The following BTBD7 variants were observed in gnomAD, a reference collection of about 807,000 sequenced individuals.
BTBD7 encodes the protein BTB/POZ domain-containing protein 7.
Under a neutral mutation model 99.9 loss-of-function variants are expected in BTBD7, and 38 were observed. That is an observed-to-expected ratio of 0.38 (90% CI 0.29 to 0.50). The LOEUF (loss-of-function observed/expected upper bound fraction) is 0.50. BTBD7 is among the 20% of genes least tolerant of loss of function. The probability of loss-of-function intolerance (pLI) is 0.93; values close to 1 mark genes in which losing one functional copy is unlikely to be tolerated. For synonymous variants in BTBD7, 520 were observed against 511.4 expected, an observed-to-expected ratio of 1.02 and a Z score of -0.23; for missense variants, 1,170 against 1,394.6, an observed-to-expected ratio of 0.84 and a Z score of 2.57.
chr14:93,253,108 G>T (rs947065085), intron 7 of BTBD7, among the ~76,000 whole-genome samples: 1 of 152,088 alleles, frequency 6.6e-6, no homozygotes, highest in Admixed American at 6.6e-5. Flanking sequence ...TCACATTACC[G>T]TATTTTCTGG....
At position 93,262,398 on chromosome 14, in the gene BTBD7, G is replaced by C. The variant is rs562833959; in HGVS notation, c.1372-721C>G. ...TCCGCCTGCCTTGGCCTCCCAAAAT[G>C]GCTAATTTTTTTTTAAATTTTTTGT... is the stretch of plus-strand genomic sequence containing the variant. On this transcript the variant is annotated intron_variant, in intron 4 of 10. Coordinates refer to ENST00000334746, the MANE Select transcript of BTBD7 (RefSeq NM_001002860.4). Among the ~76,000 whole-genome samples, 144 of 152,130 alleles carry C rather than the reference G, an allele frequency of 9.5e-4. 1 individual carries two copies. The highest frequency in any genetic ancestry group is 1.8e-3 in the Non-Finnish European group (122 of 68,004).
intron 1 of BTBD7, among the ~76,000 whole-genome samples, chr14:93,324,428 A>AAAATAAAAAATAAAAT (rs371147922): frequency 2.6e-5 from 4 of 151,296 alleles, no homozygotes; most frequent in African/African-American, 9.8e-5. Context: ...TCTCAAAAAA[A>AAAATAAAAAATAAAAT]AAAAAAAGAG....
intron 1 of BTBD7, among the ~76,000 whole-genome samples, chr14:93,309,502 C>T (rs900816408): frequency 1.3e-5 from 2 of 151,118 alleles, no homozygotes; most frequent in Non-Finnish European, 2.9e-5. Context: ...CCCCAACCTC[C>T]ACACCCCTGC....
Position 93,242,988 on chromosome 14 carries a change from G to A in BTBD7, c.2684C>T (p.Thr895Ile), listed in dbSNP as rs1421886808. Residue 895 changes from threonine (T) to isoleucine (I), a missense_variant, in exon 11 of 11, where the codon ACA (threonine) becomes ATA (isoleucine). Thr to Ile is a moderately conservative substitution (Grantham distance 89). This residue lies in a region of BTBD7 where 495 missense variants were observed against 525.9 expected (regional missense o/e 0.94). Coordinates refer to ENST00000334746, the MANE Select transcript of BTBD7 (RefSeq NM_001002860.4). ...DRRLPELAVD[T>I]ELSQSVSEAG... The stretch of plus-strand genomic sequence containing the variant: ...TTCAGAAACTGACTGGCTTAATTCT[G>A]TGTCTACAGCAAGCTCTGGAAGCCT... 6.2e-7 allele frequency: 1 copy of A among 1,614,096 alleles called. No homozygotes were observed. Among genetic ancestry groups the A allele is most frequent in the Admixed American group, 1.7e-5 (1 of 60,022 alleles).
At chr14:93,249,647 T>A (rs1324315913) in intron 8 of BTBD7, among the ~76,000 whole-genome samples, 3 of 152,224 alleles carry the variant, frequency 2.0e-5, no homozygotes, top group Admixed American at 1.3e-4. Flanking sequence ...ATTTACGTAC[T>A]GTCTACGGCT....
At chr14:93,316,308 G>C (rs956554985) in intron 1 of BTBD7, among the ~76,000 whole-genome samples, 2 of 151,384 alleles carry the variant, frequency 1.3e-5, no homozygotes, top group African/African-American at 4.9e-5. Flanking sequence ...CTGTCACTCA[G>C]GCTGAAGTGT....
intron 3 of BTBD7, among the ~76,000 whole-genome samples, chr14:93,268,117 C>T (rs925187399): frequency 2.6e-5 from 4 of 152,158 alleles, no homozygotes; most frequent in African/African-American, 4.8e-5. Flanking sequence ...CAGAAGTCCA[C>T]CAATCGCTTG....
At chr14:93,267,597 C>T (rs1375864192) in intron 3 of BTBD7, among the ~76,000 whole-genome samples, 1 of 152,230 alleles carries the variant, frequency 6.6e-6, no homozygotes, top group Non-Finnish European at 1.5e-5. Flanking sequence ...GACTCCCAGT[C>T]ACACCTGACT....
At position 93,246,263 on chromosome 14, in the gene BTBD7, A is replaced by G. The variant is rs1421769795; in HGVS notation, c.2145T>C (p.Asp715=). The G allele has an allele frequency of 6.6e-7, 1 of 1,509,506 alleles. No individual in the cohort carries two copies. The allele number at this position is 1,509,506 out of a possible 1,614,324, so 93.5% of individuals were successfully genotyped here. A position where few individuals can be genotyped will look rare whatever the true frequency, so the allele number is the denominator to read the frequency against. The part of the protein sequence containing the change: ...LLQNPHKFFP[D]ERFGDESPLL... ...GTGGACTTTCATCCCCAAAACGTTCATCAGGAAAGAATTTGTGAGGATTCT... is the reference window on the plus strand; with the variant it reads ...GTGGACTTTCATCCCCAAAACGTTCGTCAGGAAAGAATTTGTGAGGATTCT... Residue 715 remains aspartate (D), a synonymous_variant, in exon 10 of 11, where the codon GAT becomes GAC. Coordinates refer to ENST00000334746, the MANE Select transcript of BTBD7 (RefSeq NM_001002860.4).
At chr14:93,259,260 G>A (rs988378827) in intron 5 of BTBD7, among the ~76,000 whole-genome samples, 1 of 152,124 alleles carries the variant, frequency 6.6e-6, no homozygotes, top group African/African-American at 2.4e-5. Flanking sequence ...CAACAGCACT[G>A]TAACTCACGC....
chr14:93,276,845 T>A (rs778701403), intron 3 of BTBD7, among the ~76,000 whole-genome samples: 3 of 151,424 alleles, frequency 2.0e-5, no homozygotes, highest in Non-Finnish European at 2.9e-5. Context: ...TACACACAAT[T>A]CATGAACGAT....
chr14:93,253,801 ATT>A lies in BTBD7; in HGVS notation c.1609-13_1609-12del. ...CAAGCCTCTTTTCATCTAAAAAAAAATTTTTTTTTTAGATAGAAATCTGTGTA... is the reference window on the plus strand; with the variant it reads ...CAAGCCTCTTTTCATCTAAAAAAAAATTTTTTTTAGATAGAAATCTGTGTA... On this transcript the variant is annotated splice_polypyrimidine_tract_variant and intron_variant, in intron 6 of 10. Coordinates refer to ENST00000334746, the MANE Select transcript of BTBD7 (RefSeq NM_001002860.4). The A allele has an allele frequency of 1.4e-6, 2 of 1,417,256 alleles. No homozygotes were observed. The highest frequency in any genetic ancestry group is 1.4e-5 in the South Asian group (1 of 70,278). The allele number at this position is 1,417,256 out of a possible 1,614,324, so 87.8% of individuals were successfully genotyped here.
At chr14:93,309,876 G>GA (rs2053118421) in intron 1 of BTBD7, among the ~76,000 whole-genome samples, 1 of 151,870 alleles carries the variant, frequency 6.6e-6, no homozygotes, top group African/African-American at 2.4e-5. Flanking sequence ...TAATAAAAAT[G>GA]AAAAAATATA....
rs1294419171 is a variant in BTBD7, at chr14:93,241,066, C to T, written c.*1207G>A. On this transcript the variant is annotated 3_prime_UTR_variant, in exon 11 of 11. Transcript: ENST00000334746. Reference sequence around the variant, plus strand: ...ATTAAAGGCAGCAAGCAGTCAGTTCCGCCATCACAGCTGGAGAGTTGACGC... The same window carrying T: ...ATTAAAGGCAGCAAGCAGTCAGTTCTGCCATCACAGCTGGAGAGTTGACGC... 3 of 152,072 alleles carry T rather than the reference C, an allele frequency of 2.0e-5. No homozygotes were observed. The highest frequency in any genetic ancestry group is 4.8e-5 in the African/African-American group (2 of 41,382). The allele number at this position is 152,072 out of a possible 1,614,324, so 9.4% of individuals were successfully genotyped here. A position where few individuals can be genotyped will look rare whatever the true frequency, so the allele number is the denominator to read the frequency against.
intron 3 of BTBD7, among the ~76,000 whole-genome samples, chr14:93,282,780 T>C (rs1211828669): frequency 1.3e-5 from 2 of 152,180 alleles, no homozygotes; most frequent in African/African-American, 4.8e-5. Context: ...ATCTTCCTTA[T>C]ACCAAATCAC....
intron 3 of BTBD7, among the ~76,000 whole-genome samples, chr14:93,277,694 T>C (rs1284029632): frequency 6.6e-6 from 1 of 152,224 alleles, no homozygotes; most frequent in Non-Finnish European, 1.5e-5. Flanking sequence ...AAATGTTAAA[T>C]GAATGACAGC....
rs545688102 is a variant in BTBD7 at position 93,318,657 on chromosome 14, A to T, written c.-107+14163T>A. On this transcript the variant is annotated intron_variant, in intron 1 of 10. Transcript: ENST00000334746. ...AGGAGAGTATAAAAACACAAATCAG[A>T]CTGGGTAGTGACCAGGATAGCCTGC... Among the ~76,000 whole-genome samples, 4 of 152,344 alleles carry T rather than the reference A, an allele frequency of 2.6e-5. No individual in the cohort carries two copies. The South Asian group carries it at 8.3e-4, about 32-fold the overall frequency.
intron 1 of BTBD7, among the ~76,000 whole-genome samples, chr14:93,302,860 C>A (rs1040066099): frequency 3.3e-5 from 5 of 151,374 alleles, no homozygotes; most frequent in African/African-American, 9.7e-5. Context: ...AAACAAAAAA[C>A]CACTTAGCCA....
In BTBD7 at chr14:93,270,379, AG is replaced by A. The variant is rs369372028; in HGVS notation, c.1163-6387del. ...CCAAAGTGCTGGGATTACAGGCGTGAGCCACTGCGCCTGGCCAAAAGCTTTT... is the reference window on the plus strand; with the variant it reads ...CCAAAGTGCTGGGATTACAGGCGTGACCACTGCGCCTGGCCAAAAGCTTTT... On this transcript the variant is annotated intron_variant, in intron 3 of 10. Transcript: ENST00000334746. 1.3e-3 allele frequency among the ~76,000 whole-genome samples: 200 copies of A among 152,238 alleles called. 2 individuals are homozygous for A. Among genetic ancestry groups the A allele is most frequent in the African/African-American group, 4.3e-3 (180 of 41,570 alleles).
Sources: allele counts gnomAD v4.1 joint callset (sites outside exome capture counted in the v4.1 genomes callset), GRCh38; gene constraint gnomAD v4.1.1; regional missense constraint gnomAD v4.1.1; transcripts MANE v1.5; gene names NCBI Gene and HGNC (gene_info 2026-07-23, HGNC 2026-07-21).